The following ARMC3 variants were observed in gnomAD, a reference collection of about 807,000 sequenced individuals.
ARMC3 encodes the protein armadillo repeat containing 3, also known as armadillo repeat-containing protein 3.
ARMC3 carries 74 observed loss-of-function variants against 90.3 expected under a neutral mutation model. The ratio of observed to expected loss-of-function variants is 0.82; its 90% CI spans 0.68 to 0.99. The LOEUF (loss-of-function observed/expected upper bound fraction) is 0.99, where lower values mean the gene tolerates loss of function less well. Ranked by LOEUF, ARMC3 falls within the 50% of genes least tolerant of loss-of-function variation. The pLI, the probability that ARMC3 is intolerant of heterozygous loss-of-function variation, is 0.00. For synonymous variants in ARMC3, 334 were observed against 361.8 expected, an observed-to-expected ratio of 0.92 and a Z score of 0.87; for missense variants, 958 against 1,042.8, an observed-to-expected ratio of 0.92 and a Z score of 1.12.
chr10:23,011,557 A>G (rs1838013808), intron 16 of ARMC3, among the ~76,000 whole-genome samples: 2 of 152,226 alleles, frequency 1.3e-5, no homozygotes, highest in South Asian at 4.1e-4. Flanking sequence ...AATTCAGTGC[A>G]GGGATGCAGA....
At chr10:23,027,921 G>T (rs912041036) in intron 16 of ARMC3, among the ~76,000 whole-genome samples, 3 of 151,946 alleles carry the variant, frequency 2.0e-5, no homozygotes, top group African/African-American at 7.3e-5. Context: ...CAGGAGTTTC[G>T]CTTGAGCTCA....
At chr10:23,021,155 A>G (rs1178246684) in intron 16 of ARMC3, among the ~76,000 whole-genome samples, 1 of 152,144 alleles carries the variant, frequency 6.6e-6, no homozygotes, top group African/African-American at 2.4e-5. Context: ...ATTCTTTTTT[A>G]TGGCTGTATC....
intron 16 of ARMC3, chr10:23,014,006 G>C (rs1838154282): frequency 7.0e-7 from 1 of 1,436,168 alleles, no homozygotes; most frequent in African/African-American, 1.4e-5. Context: ...CTCCTTTACA[G>C]TATGTCCAGG....
chr10:23,020,144 T>G (rs1838450594), intron 16 of ARMC3, among the ~76,000 whole-genome samples: 2 of 152,062 alleles, frequency 1.3e-5, no homozygotes, highest in Admixed American at 6.5e-5. Flanking sequence ...GTTTTGTTTT[T>G]TTGAGGCAGA....
Position 22,959,119 on chromosome 10 carries a change from T to C in ARMC3, c.342T>C (p.Ile114=). The change falls in exon 5 of 19, where the codon ATT becomes ATC. Residue 114 remains isoleucine, a synonymous_variant. Coordinates refer to ENST00000298032, the MANE Select transcript of ARMC3 (RefSeq NM_173081.5). ...LRELDVMNSV[I]AQLAPEEEVV... is the part of the protein sequence containing the mutation. ...AGTTAGATGTCATGAATTCTGTCATTGCCCAGCTCGCTCCAGAAGGTAACT... is the reference window on the plus strand; with the variant it reads ...AGTTAGATGTCATGAATTCTGTCATCGCCCAGCTCGCTCCAGAAGGTAACT... 3.1e-6 allele frequency: 5 copies of C among 1,613,582 alleles called. No homozygotes were observed. The highest frequency in any genetic ancestry group is 4.2e-6 in the Non-Finnish European group (5 of 1,179,468).
At chr10:23,019,742 G>A (rs112537238) in intron 16 of ARMC3, among the ~76,000 whole-genome samples, 3,171 of 151,992 alleles carry the variant, frequency 0.021, 117 homozygotes, top group African/African-American at 0.074. Flanking sequence ...GTAAGGTTTC[G>A]CCATGTTGCC....
chr10:23,003,280 G>A lies in ARMC3; in HGVS notation c.1597G>A (p.Gly533Arg), dbSNP rs1355695380. Reference protein sequence around the residue: ...LDILEEVNVSGTRKNKFSEAA... With the variant: ...LDILEEVNVSRTRKNKFSEAA... ...TATCCTTGAAGAAGTTAACGTATCA[G>A]GAACTCGGAAAAATAAATTCAGTGA... The change falls in exon 13 of 19, where the codon GGA becomes AGA. Residue 533 changes from glycine (G) to arginine (R), a missense_variant. By Grantham distance (125) the Gly-to-Arg change is moderately radical. Transcript: ENST00000298032. The A allele has an allele frequency of 3.1e-6, 5 of 1,612,650 alleles. No homozygotes were observed. Among genetic ancestry groups the A allele is most frequent in the Non-Finnish European group, 3.4e-6 (4 of 1,179,554 alleles).
chr10:22,968,492 ATG>A lies in ARMC3; in HGVS notation c.916+5_916+6del. ...CATTACTAAAGCAGCTTATGATCGT[ATG>A]TCTCATTTTATTTTATTTATTTTGA... On this transcript the variant is annotated splice_donor_5th_base_variant and intron_variant, in intron 8 of 18. Coordinates refer to ENST00000298032, the MANE Select transcript of ARMC3 (RefSeq NM_173081.5). The A allele has an allele frequency of 6.4e-7, 1 of 1,564,322 alleles. No individual in the cohort carries two copies. Among genetic ancestry groups the A allele is most frequent in the Non-Finnish European group, 8.6e-7 (1 of 1,158,970 alleles).
intron 1 of ARMC3, among the ~76,000 whole-genome samples, chr10:22,930,535 C>T (rs1015306721): frequency 1.3e-5 from 2 of 152,172 alleles, no homozygotes; most frequent in Admixed American, 1.3e-4. Context: ...TAAGCTTGCC[C>T]AGGCCCTCCA....
chr10:22,984,436 G>A (rs562333556), intron 10 of ARMC3, among the ~76,000 whole-genome samples: 6 of 152,058 alleles, frequency 3.9e-5, no homozygotes, highest in African/African-American at 1.2e-4. Flanking sequence ...TTGTGGTAAC[G>A]CTTTTTGTAA....
intron 18 of ARMC3, among the ~76,000 whole-genome samples, chr10:23,034,050 TTGCATTCACA>T: frequency 6.6e-6 from 1 of 152,336 alleles, no homozygotes; most frequent in East Asian, 1.9e-4. Context: ...ATAAACATCA[TTGCATTCACA>T]TGCAGCTTAC....
rs182221672 is a variant in ARMC3, at chr10:22,957,639, T to G, written c.293-1431T>G. Reference sequence around the variant, plus strand: ...ATATATTAAATCATTTAATCCTATCTAACAGCCCTGTGAGGTAGGTACTAT... The same window carrying G: ...ATATATTAAATCATTTAATCCTATCGAACAGCCCTGTGAGGTAGGTACTAT... On this transcript the variant is annotated intron_variant, in intron 4 of 18. Transcript: ENST00000298032. Among the ~76,000 whole-genome samples the G allele has an allele frequency of 1.1e-4, 16 of 152,286 alleles. No individual in the cohort carries two copies. The East Asian group carries it at 1.7e-3, about 17-fold the overall frequency.
chr10:22,985,084 G>C (rs1006336986), intron 10 of ARMC3, among the ~76,000 whole-genome samples: 1 of 131,706 alleles, frequency 7.6e-6, no homozygotes, highest in Non-Finnish European at 1.6e-5. Context: ...TAGAGATGGG[G>C]TCTTACCATG....
chr10:22,959,963 G>A (rs761560414), intron 6 of ARMC3: 6 of 380,622 alleles, frequency 1.6e-5, no homozygotes, highest in Non-Finnish European at 3.0e-5. Flanking sequence ...TGAGATTTTG[G>A]TTTAGGCTTA....
At chr10:22,976,754 T>C (rs990663632) in intron 8 of ARMC3, among the ~76,000 whole-genome samples, 6 of 152,318 alleles carry the variant, frequency 3.9e-5, no homozygotes, top group Admixed American at 6.5e-5. Context: ...TCCAAGCACA[T>C]CCAACTATAC....
At chr10:22,991,794 A>AT (rs937430298) in intron 10 of ARMC3, among the ~76,000 whole-genome samples, 35 of 151,642 alleles carry the variant, frequency 2.3e-4, no homozygotes, top group South Asian at 6.3e-4. Context: ...AAGCGCAGGG[A>AT]TTTTTTTTTG....
intron 6 of ARMC3, chr10:22,960,774 G>A (rs1835156460): frequency 6.6e-6 from 1 of 152,246 alleles, no homozygotes; most frequent in Non-Finnish European, 1.5e-5. Flanking sequence ...CTGGAGGCCA[G>A]AAGTCCAAAA....
rs1416276852 is a variant in ARMC3, at chr10:23,003,303, T to A, written c.1620T>A (p.Ser540Arg). The A allele has an allele frequency of 4.3e-6, 7 of 1,613,564 alleles. No individual in the cohort carries two copies. Among genetic ancestry groups the A allele is most frequent in the African/African-American group, 2.7e-5 (2 of 74,906 alleles). ...NVSGTRKNKFSEAAYNKLLNN... is the reference protein window; with the variant it reads ...NVSGTRKNKFREAAYNKLLNN... The stretch of plus-strand genomic sequence containing the variant: ...CAGGAACTCGGAAAAATAAATTCAG[T>A]GAGGCAGCTTATAATAAGTTGCTCA... The change falls in exon 13 of 19, where the codon AGT becomes AGA. Residue 540 changes from serine (S) to arginine (R), a missense_variant. Ser to Arg is a moderately radical substitution (Grantham distance 110, BLOSUM62 -1). Transcript: ENST00000298032.
intron 16 of ARMC3, among the ~76,000 whole-genome samples, chr10:23,010,891 A>C (rs946874058): frequency 0.11 from 295 of 2,682 alleles, no homozygotes; most frequent in Non-Finnish European, 0.14. Flanking sequence ...TTTCCCTCCC[A>C]CTCCTTCCCT....
Sources: allele counts gnomAD v4.1 joint callset (sites outside exome capture counted in the v4.1 genomes callset), GRCh38; gene constraint gnomAD v4.1.1; transcripts MANE v1.5; gene names NCBI Gene and HGNC (gene_info 2026-07-23, HGNC 2026-07-21).